SORBS2: variants seen among roughly 807,000 people sequenced by gnomAD.
The protein encoded by SORBS2 is sorbin and SH3 domain containing 2.
Under a neutral mutation model 97.7 loss-of-function variants are expected in SORBS2, and 46 were observed. The ratio of observed to expected loss-of-function variants is 0.47; its 90% CI spans 0.37 to 0.60. SORBS2 has a LOEUF of 0.60. Ranked by LOEUF, SORBS2 falls within the 20% of genes least tolerant of loss-of-function variation. The pLI is 0.00. For missense variants in SORBS2, 1,316 were observed against 1,282.3 expected (o/e 1.03, Z -0.40); for synonymous variants, 476 against 473.4 (o/e 1.01, Z -0.07).
At chr4:185,627,010 G>A (rs1319442157) in exon 6 of SORBS2, 4 of 1,614,064 alleles carry the variant, frequency 2.5e-6, no homozygotes, top group East Asian at 2.2e-5. Context: ...CACTGGCCAT[G>A]CTTGCAGAAC....
chr4:185,876,170 C>T (rs1049892723), intron 1 of SORBS2, among the ~76,000 whole-genome samples: 17 of 152,074 alleles, frequency 1.1e-4, no homozygotes, highest in Non-Finnish European at 2.4e-4. Context: ...TGCAGTGGCA[C>T]GATCTCAGCC....
chr4:185,807,113 C>A (rs2099160246), intron 1 of SORBS2, among the ~76,000 whole-genome samples: 1 of 152,040 alleles, frequency 6.6e-6, no homozygotes, highest in South Asian at 2.1e-4. Flanking sequence ...AATAAGTAGG[C>A]AACCGTATAA....
chr4:185,638,748 G>C, intron 4 of SORBS2, 129 bp downstream of exon 14: 1 of 836,976 alleles, frequency 1.2e-6, no homozygotes, highest in Non-Finnish European at 1.7e-6. Flanking sequence ...CTGTGGATGA[G>C]AAGATTCTGG....
rs2096755091 is a variant in SORBS2, at chr4:185,623,541, G to T, written c.1588C>A (p.His530Asn). The T allele has an allele frequency of 6.2e-7, 1 of 1,614,080 alleles. No individual in the cohort carries two copies. The highest frequency in any genetic ancestry group is 8.5e-7 in the Non-Finnish European group (1 of 1,180,020). ...CTTTCGGAGGATGTGAAGGAAAAGTGATCAAAGTCACTTTCACTGCAGAAG... is the reference window on the plus strand; with the variant it reads ...CTTTCGGAGGATGTGAAGGAAAAGTTATCAAAGTCACTTTCACTGCAGAAG... The change falls in exon 7 of 15, where the codon CAC becomes AAC. Residue 530 changes from histidine (H) to asparagine (N), a missense_variant. Physicochemically the swap from His to Asn is moderately conservative, Grantham distance 68. Coordinates refer to ENST00000418609, the Ensembl canonical transcript of SORBS2. The surrounding 1 kb of genome is among the most constrained non-coding windows in gnomAD (Gnocchi z 6.4).
Position 185,614,973 on chromosome 4 carries a change from A to G in SORBS2, c.2467-14T>C, listed in dbSNP as rs189260147. 1 of 1,614,180 alleles carries G rather than the reference A, an allele frequency of 6.2e-7. No homozygotes were observed. Among genetic ancestry groups the G allele is most frequent in the East Asian group, 2.2e-5 (1 of 44,882 alleles). On this transcript the variant is annotated splice_polypyrimidine_tract_variant and intron_variant, in intron 10 of 14. Transcript: ENST00000418609. ...AGGTGTGAGTTTCTATGAAGGAAAT[A>G]GTCATTTATTCTCAAATCTGCGGTG...
intron 2 of SORBS2, among the ~76,000 whole-genome samples, chr4:185,706,656 T>C (rs1225747546): frequency 1.3e-5 from 2 of 152,240 alleles, no homozygotes; most frequent in East Asian, 3.8e-4. Context: ...GCTCCATGCA[T>C]TTGAGTAGCC....
At chr4:185,647,663 A>C (rs1396245454) in intron 3 of SORBS2, among the ~76,000 whole-genome samples, 4 of 152,216 alleles carry the variant, frequency 2.6e-5, no homozygotes, top group Non-Finnish European at 5.9e-5. Context: ...TCTAAGAGAC[A>C]GAATTAGGGA....
chr4:185,954,602 A>G (rs2150036706), intron 1 of SORBS2, among the ~76,000 whole-genome samples: 2 of 152,344 alleles, frequency 1.3e-5, no homozygotes, highest in South Asian at 4.1e-4. Context: ...TGAATACTGA[A>G]TGAATAAACG....
intron 1 of SORBS2, among the ~76,000 whole-genome samples, chr4:185,843,015 A>G (rs571067465): frequency 6.6e-6 from 1 of 152,098 alleles, no homozygotes; most frequent in African/African-American, 2.4e-5. Flanking sequence ...CTGCTGGAGA[A>G]GGTCTGGGAC....
intron 1 of SORBS2, among the ~76,000 whole-genome samples, chr4:185,829,352 A>G (rs917475871): frequency 2.0e-5 from 3 of 152,244 alleles, no homozygotes; most frequent in African/African-American, 7.2e-5. Context: ...ACAGTAGCAT[A>G]GTATCTATGA....
At chr4:185,843,650 G>A (rs1002588315) in intron 1 of SORBS2, among the ~76,000 whole-genome samples, 2 of 150,438 alleles carry the variant, frequency 1.3e-5, no homozygotes, top group African/African-American at 2.4e-5. Flanking sequence ...AGCTTTGTAT[G>A]CTGAAAACTA....
At chr4:185,860,854 C>T (rs904915395) in intron 1 of SORBS2, among the ~76,000 whole-genome samples, 2 of 152,064 alleles carry the variant, frequency 1.3e-5, no homozygotes, top group African/African-American at 2.4e-5. Context: ...GATAAGAGGT[C>T]GTGGAAACCA....
At chr4:185,683,495 T>G (rs1217334742) in intron 2 of SORBS2, among the ~76,000 whole-genome samples, 2 of 152,212 alleles carry the variant, frequency 1.3e-5, no homozygotes, top group African/African-American at 2.4e-5. Context: ...CTTACTTGCC[T>G]TCATTCCTGT....
chr4:185,744,145 C>A (rs1424613969), intron 2 of SORBS2, among the ~76,000 whole-genome samples: 2 of 149,428 alleles, frequency 1.3e-5, no homozygotes, highest in East Asian at 2.0e-4. Context: ...TCCTCCTTCC[C>A]TTCTCTCTTT....
intron 2 of SORBS2, among the ~76,000 whole-genome samples, chr4:185,725,321 C>T (rs1215805716): frequency 6.6e-6 from 1 of 152,194 alleles, no homozygotes; most frequent in Non-Finnish European, 1.5e-5. Context: ...GTTGGATATT[C>T]TAACTACCCA....
chr4:185,670,197 T>G (rs973805490), intron 4 of SORBS2, among the ~76,000 whole-genome samples: 8 of 152,156 alleles, frequency 5.3e-5, no homozygotes, highest in Middle Eastern at 3.4e-3. Flanking sequence ...CCAGCCTGGG[T>G]GACAGAGCAA....
rs536571407 is a variant in SORBS2 at position 185,836,505 on chromosome 4, A to G, written c.-337-61139T>C. Among the ~76,000 whole-genome samples, 43 of 152,356 alleles carry G rather than the reference A, an allele frequency of 2.8e-4. 1 individual carries two copies. The South Asian group carries it at 7.5e-3, about 26-fold the overall frequency. On this transcript the variant is annotated intron_variant, in intron 1 of 20. Coordinates refer to the SORBS2 transcript ENST00000284776. The stretch of plus-strand genomic sequence containing the variant: ...TAAATAACAACAAACAATATTTACT[A>G]AGTGATTATAATGTACACACCACCA...
intron 1 of SORBS2, among the ~76,000 whole-genome samples, chr4:185,920,766 A>C (rs914468955): frequency 6.6e-6 from 1 of 152,256 alleles, no homozygotes; most frequent in Non-Finnish European, 1.5e-5. Context: ...AGATTTAATA[A>C]AATTAATTTT....
chr4:185,594,688 GCCT>G (rs2096042454), intron 12 of SORBS2, among the ~76,000 whole-genome samples: 1 of 152,124 alleles, frequency 6.6e-6, no homozygotes, highest in South Asian at 2.1e-4. Context: ...GAAATGACAA[GCCT>G]TAGCATCCCA....
Sources: allele counts gnomAD v4.1 joint callset (sites outside exome capture counted in the v4.1 genomes callset), GRCh38; gene constraint gnomAD v4.1.1; non-coding constraint Gnocchi (gnomAD v3.1); transcripts MANE v1.5; gene names NCBI Gene and HGNC (gene_info 2026-07-23, HGNC 2026-07-21).